The following ZNF420 variants were observed in gnomAD, a reference collection of about 807,000 sequenced individuals.
The protein encoded by ZNF420 is zinc finger protein 420.
ZNF420 carries 31 observed loss-of-function variants against 44.7 expected under a neutral mutation model. The observed-to-expected ratio is 0.69, with a 90% CI of 0.52 to 0.94. ZNF420 has a LOEUF of 0.94. Among genes scored for constraint, ZNF420 ranks in the 40% least tolerant of loss-of-function variants. The probability of loss-of-function intolerance (pLI) is 0.00; values close to 1 mark genes in which losing one functional copy is unlikely to be tolerated. For missense variants in ZNF420, 681 were observed against 827.9 expected (o/e 0.82, Z 2.18); for synonymous variants, 245 against 267.4 (o/e 0.92, Z 0.82).
chr19:37,123,388 T>A (rs1971160861), intron 4 of ZNF420, among the ~76,000 whole-genome samples: 1 of 152,138 alleles, frequency 6.6e-6, no homozygotes, highest in African/African-American at 2.4e-5. Context: ...GGTTCCAATT[T>A]TGTAAAATGG....
At chr19:37,116,782 A>G (rs1323596136) in intron 4 of ZNF420, among the ~76,000 whole-genome samples, 1 of 152,222 alleles carries the variant, frequency 6.6e-6, no homozygotes, top group Non-Finnish European at 1.5e-5. Context: ...AACGGGCTTA[A>G]AAAACAGCAC....
At chr19:37,056,797 T>A (rs1967761980) in intron 1 of ZNF420, among the ~76,000 whole-genome samples, 1 of 152,182 alleles carries the variant, frequency 6.6e-6, no homozygotes. Flanking sequence ...AGGAGTTGGC[T>A]CAAGGAGGTC....
intron 1 of ZNF420, among the ~76,000 whole-genome samples, chr19:37,041,160 C>T (rs1228090881): frequency 6.6e-6 from 1 of 151,836 alleles, no homozygotes; most frequent in African/African-American, 2.4e-5. Flanking sequence ...CCCATCTCTA[C>T]TAAAAATAAA....
intron 4 of ZNF420, among the ~76,000 whole-genome samples, chr19:37,095,086 G>C (rs1148394): frequency 0.25 from 36,734 of 148,696 alleles, 4,629 homozygotes; most frequent in South Asian, 0.33. Flanking sequence ...AGCTAAGATC[G>C]CGCCACAGCA....
At chr19:37,103,655 GT>G (rs1714014729) in intron 4 of ZNF420, among the ~76,000 whole-genome samples, 1 of 152,154 alleles carries the variant, frequency 6.6e-6, no homozygotes, top group African/African-American at 2.4e-5. Flanking sequence ...CTATTAACAT[GT>G]AACCTTTTTG....
At chr19:37,049,197 A>G (rs974147715) in intron 1 of ZNF420, among the ~76,000 whole-genome samples, 6 of 152,194 alleles carry the variant, frequency 3.9e-5, no homozygotes, top group African/African-American at 1.2e-4. Flanking sequence ...GTGTCTTTAT[A>G]GCAGCATGAT....
chr19:37,029,109 A>T (rs534356955), intron 1 of ZNF420, among the ~76,000 whole-genome samples: 29 of 152,268 alleles, frequency 1.9e-4, no homozygotes, highest in African/African-American at 6.5e-4. Context: ...CACTGTAACT[A>T]AGAGGGTCCA....
intron 4 of ZNF420, among the ~76,000 whole-genome samples, chr19:37,101,129 T>C (rs547792851): frequency 6.6e-6 from 1 of 152,288 alleles, no homozygotes; most frequent in South Asian, 2.1e-4. Context: ...TGTTCATTTG[T>C]TGAGCTCATA....
At chr19:37,117,727 A>C (rs1456584629) in intron 4 of ZNF420, among the ~76,000 whole-genome samples, 4 of 152,180 alleles carry the variant, frequency 2.6e-5, no homozygotes, top group Non-Finnish European at 5.9e-5. Flanking sequence ...ACTTTGAAAT[A>C]AAAATTATAC....
chr19:37,054,417 G>A (rs979412365), intron 1 of ZNF420, among the ~76,000 whole-genome samples: 1 of 152,194 alleles, frequency 6.6e-6, no homozygotes, highest in African/African-American at 2.4e-5. Context: ...ATCTCAGTTG[G>A]AAATGCAGAA....
intron 1 of ZNF420, among the ~76,000 whole-genome samples, chr19:37,026,111 C>T (rs1263555140): frequency 2.0e-5 from 3 of 150,482 alleles, no homozygotes; most frequent in Non-Finnish European, 4.4e-5. Context: ...GTCGGGAGTT[C>T]AAGAGCAGCC....
intron 1 of ZNF420, among the ~76,000 whole-genome samples, chr19:37,056,346 T>A (rs1490165888): frequency 1.3e-5 from 2 of 152,138 alleles, no homozygotes; most frequent in East Asian, 3.9e-4. Context: ...TGTGCCCCCC[T>A]TCCACCAGGC....
chr19:37,109,828 T>A (rs576930302), intron 4 of ZNF420: 1 of 152,198 alleles, frequency 6.6e-6, no homozygotes, highest in Non-Finnish European at 1.5e-5. Flanking sequence ...CAGTAAGATG[T>A]TGTTCTGCAG....
At position 37,094,116 on chromosome 19, in the gene ZNF420, G is replaced by A. The variant is rs187113188; in HGVS notation, c.136+2995G>A. Among the ~76,000 whole-genome samples, 5 of 152,166 alleles carry A rather than the reference G, an allele frequency of 3.3e-5. No individual in the cohort carries two copies. In the Middle Eastern group the frequency reaches 0.01, roughly 311 times the overall value. ...ATGGTACATGAGTATCATATTTTTT[G>A]AAATTCTCTAGGTTTTTCAAATGTT... On this transcript the variant is annotated intron_variant, in intron 4 of 4. Transcript: ENST00000337995.
intron 1 of ZNF420, among the ~76,000 whole-genome samples, chr19:37,057,676 T>C (rs965429626): frequency 1.3e-5 from 2 of 152,038 alleles, no homozygotes; most frequent in Admixed American, 6.6e-5. Flanking sequence ...CACTTTGGGA[T>C]TGTGAAGGCC....
In ZNF420 at chr19:37,127,242, C is replaced by G; in HGVS notation, c.251C>G (p.Ser84Cys). The change falls in exon 5 of 5, where the codon TCC becomes TGC. Residue 84 changes from serine (S) to cysteine (C), a missense_variant. This residue lies in a region of ZNF420 where 350 missense variants were observed against 382.5 expected (regional missense o/e 0.92). Coordinates refer to ENST00000337995, the MANE Select transcript of ZNF420 (RefSeq NM_144689.5). The part of the protein sequence containing the change: ...DRLENCDLEE[S>C]NSRDYLEAKG... ...CTTGAAAACTGTGATCTTGAAGAGT[C>G]CAATTCCAGGGATTATTTGGAAGCC... The G allele has an allele frequency of 6.2e-7, 1 of 1,613,258 alleles. No individual in the cohort carries two copies. Among genetic ancestry groups the G allele is most frequent in the South Asian group, 1.1e-5 (1 of 90,912 alleles).
intron 4 of ZNF420, among the ~76,000 whole-genome samples, chr19:37,124,465 T>C (rs1157606019): frequency 6.6e-6 from 1 of 152,196 alleles, no homozygotes; most frequent in African/African-American, 2.4e-5. Flanking sequence ...TAAATACTAA[T>C]GTGACTGCTG....
chr19:37,092,264 C>T (rs1034196719), intron 4 of ZNF420: 1 of 152,124 alleles, frequency 6.6e-6, no homozygotes, highest in African/African-American at 2.4e-5. Context: ...AGGAGAAAAG[C>T]AAGGGTTTTT....
chr19:37,015,117 G>C (rs7259878), intron 1 of ZNF420, among the ~76,000 whole-genome samples: 24,549 of 152,224 alleles, frequency 0.16, 2,108 homozygotes, highest in African/African-American at 0.23. Flanking sequence ...GTTTCTGTGC[G>C]AGTGCTGGAT....
Sources: gnomAD v4.1 joint callset for allele counts (sites outside exome capture counted in the v4.1 genomes callset) on GRCh38, gnomAD v4.1.1 for gene constraint, gnomAD v4.1.1 regional missense constraint, MANE v1.5 for transcripts, NCBI Gene and HGNC (gene_info 2026-07-23, HGNC 2026-07-21) for gene names.